MYOZ1: variants seen among roughly 807,000 people sequenced by gnomAD.
MYOZ1 encodes myozenin 1.
A neutral mutation model predicts 28.7 loss-of-function variants in MYOZ1; 20 were observed. The ratio of observed to expected loss-of-function variants is 0.70; its 90% confidence interval spans 0.49 to 1.01. The LOEUF (loss-of-function observed/expected upper bound fraction) is 1.01, where lower values mean the gene tolerates loss of function less well. MYOZ1 is among the 50% of genes least tolerant of loss of function. MYOZ1 has a pLI of 0.00. For synonymous variants in MYOZ1, 144 were observed against 145.8 expected, an observed-to-expected ratio of 0.99 and a Z score of 0.09; for missense variants, 371 against 372.4, an observed-to-expected ratio of 1.00 and a Z score of 0.03.
chr10:73,640,053 G>A lies in MYOZ1; in HGVS notation c.-18-18C>T, dbSNP rs1342844164. ...GATTCAGCCTGGACAGGGTGGGAAG[G>A]AGGAGTTGGTGGATGGACAGGGACT... On this transcript the variant is annotated intron_variant, in intron 1 of 5. Coordinates refer to ENST00000359322, the MANE Select transcript of MYOZ1 (RefSeq NM_021245.4). The A allele has an allele frequency of 6.2e-7, 1 of 1,601,286 alleles. No individual in the cohort carries two copies. The highest frequency in any genetic ancestry group is 8.6e-7 in the Non-Finnish European group (1 of 1,169,392).
chr10:73,632,623 C>A (rs553379398), intron 5 of MYOZ1, among the ~76,000 whole-genome samples: 6 of 150,574 alleles, frequency 4.0e-5, no homozygotes, highest in African/African-American at 9.8e-5. Context: ...ACACCCCCCC[C>A]CCAAAAAAAA....
chr10:73,640,066 A>G, intron 1 of MYOZ1, 31 bp from the exon 2 acceptor site: 3 of 1,561,538 alleles, frequency 1.9e-6, no homozygotes, highest in Non-Finnish European at 2.6e-6. Flanking sequence ...GAGTTGGTGG[A>G]TGGACAGGGA....
In MYOZ1 at chr10:73,631,630, C is replaced by G. The variant is rs2132403310; in HGVS notation, c.*300G>C. ...TTGTTAGCCTCGGCTTTCATCTGCT[C>G]TCAAATATCAAAGGAAGAATGAGTT... On this transcript the variant is annotated 3_prime_UTR_variant, in exon 6 of 6. Coordinates refer to ENST00000359322, the MANE Select transcript of MYOZ1 (RefSeq NM_021245.4). 2 of 364,814 alleles carry G rather than the reference C, an allele frequency of 5.5e-6. No individual in the cohort carries two copies. Among genetic ancestry groups the G allele is most frequent in the South Asian group, 6.1e-5 (2 of 32,858 alleles). The allele number at this position is 364,814 out of a possible 1,614,324, so 22.6% of individuals were successfully genotyped here.
chr10:73,636,684 G>A (rs2081669079), intron 3 of MYOZ1, among the ~76,000 whole-genome samples: 1 of 151,862 alleles, frequency 6.6e-6, no homozygotes, highest in Admixed American at 6.6e-5. Context: ...TCCAACTCCT[G>A]GACTCAAGCA....
chr10:73,632,400 G>A (rs2081640102), intron 5 of MYOZ1, among the ~76,000 whole-genome samples: 1 of 152,050 alleles, frequency 6.6e-6, no homozygotes, highest in South Asian at 2.1e-4. Flanking sequence ...CTGTGACCCA[G>A]ACCAGCATTT....
intron 3 of MYOZ1, among the ~76,000 whole-genome samples, chr10:73,637,008 T>TGC (rs2081670785): frequency 2.1e-5 from 3 of 140,120 alleles, no homozygotes; most frequent in African/African-American, 9.1e-5. Context: ...TTTTTCTTTT[T>TGC]TCTTTCTTTT....
In MYOZ1 at chr10:73,634,478, A is replaced by C; in HGVS notation, c.502+6T>G. The C allele has an allele frequency of 1.2e-6, 2 of 1,613,882 alleles. No homozygotes were observed. Among genetic ancestry groups the C allele is most frequent in the South Asian group, 2.2e-5 (2 of 91,044 alleles). ...AAACACATTACTCTTGGGTGAGTGT[A>C]CTTGCCTGATCCTGTCTCACCAACC... On this transcript the variant is annotated splice_donor_region_variant and intron_variant, in intron 4 of 5. Coordinates refer to ENST00000359322, the MANE Select transcript of MYOZ1 (RefSeq NM_021245.4).
chr10:73,640,529 G>A (rs933451141), intron 1 of MYOZ1, among the ~76,000 whole-genome samples: 4 of 152,186 alleles, frequency 2.6e-5, no homozygotes, highest in Admixed American at 1.3e-4. Context: ...AGGACAGGAA[G>A]TATAGATGCA....
chr10:73,632,582 T>C (rs1400037909), intron 5 of MYOZ1, among the ~76,000 whole-genome samples: 1 of 150,606 alleles, frequency 6.6e-6, no homozygotes, highest in Non-Finnish European at 1.5e-5. Flanking sequence ...CTGGTCAACG[T>C]GGTGAAACGC....
At chr10:73,633,233 G>T (rs2081646569) in intron 5 of MYOZ1, among the ~76,000 whole-genome samples, 1 of 152,122 alleles carries the variant, frequency 6.6e-6, no homozygotes, top group African/African-American at 2.4e-5. Context: ...GGAGGCGGAG[G>T]TTGCAGTGAG....
intron 3 of MYOZ1, among the ~76,000 whole-genome samples, chr10:73,637,010 CTTTCTT>C (rs983308476): frequency 4.4e-5 from 6 of 137,498 alleles, no homozygotes; most frequent in Middle Eastern, 3.7e-3. Context: ...TTTCTTTTTT[CTTTCTT>C]TTTTTTTTTT....
intron 3 of MYOZ1, 58 bp from the exon 4 acceptor site, chr10:73,634,791 A>G: frequency 6.3e-7 from 1 of 1,576,092 alleles, no homozygotes; most frequent in East Asian, 2.3e-5. Flanking sequence ...ATATACAAAA[A>G]CAGAGGTATG....
At chr10:73,636,014 G>T (rs142840838) in intron 3 of MYOZ1, among the ~76,000 whole-genome samples, 183 of 152,298 alleles carry the variant, frequency 1.2e-3, no homozygotes, top group African/African-American at 4.3e-3. Context: ...CCCAGGCAGA[G>T]AAGAGTGCTT....
In MYOZ1 at chr10:73,636,183, G is replaced by A. The variant is rs188657012; in HGVS notation, c.253-1450C>T. ...GTGGAGGAGGAAGAAAGGAAATGGA[G>A]AAGGCCCTTCTTCCTCAGCTATACC... On this transcript the variant is annotated intron_variant, in intron 3 of 5. Coordinates refer to ENST00000359322, the MANE Select transcript of MYOZ1 (RefSeq NM_021245.4). 2.5e-3 allele frequency among the ~76,000 whole-genome samples: 380 copies of A among 152,294 alleles called. 1 individual carries two copies. Among genetic ancestry groups the A allele is most frequent in the Non-Finnish European group, 4.5e-3 (304 of 68,016 alleles).
intron 5 of MYOZ1, among the ~76,000 whole-genome samples, chr10:73,633,220 C>T (rs375960866): frequency 4.0e-4 from 61 of 152,034 alleles, no homozygotes; most frequent in African/African-American, 1.4e-3. Flanking sequence ...TCACTTGAAC[C>T]CAGGAGGCGG....
rs370059455 is a variant in MYOZ1, at chr10:73,639,998, G to T, written c.20C>A (p.Pro7Gln). The T allele has an allele frequency of 1.7e-5, 27 of 1,613,828 alleles. No individual in the cohort carries two copies. The highest frequency in any genetic ancestry group is 2.3e-5 in the Non-Finnish European group (27 of 1,179,956). ...GGATTTCCTCTTCTTATTAGGGGCC[G>T]GGGTTCCTGAGAGCGGCATTGTGGA... MPLSGT[P>Q]APNKKRKSSK... The change falls in exon 2 of 6, where the codon CCG (proline) becomes CAG (glutamine). Residue 7 changes from proline (P) to glutamine (Q), a missense_variant. Physicochemically the swap from Pro to Gln is moderately conservative, Grantham distance 76 (BLOSUM62 -1). Coordinates refer to ENST00000359322, the MANE Select transcript of MYOZ1 (RefSeq NM_021245.4).
intron 3 of MYOZ1, 151 bp from the exon 4 acceptor site, chr10:73,634,884 G>T: frequency 1.1e-6 from 1 of 870,382 alleles, no homozygotes; most frequent in Non-Finnish European, 1.7e-6. Context: ...GTAGTACATG[G>T]GCTGACTAAG....
rs376526603 is a variant in MYOZ1 at position 73,636,390 on chromosome 10, G to A, written c.252+1354C>T. ...TAAAAACTCAATTAACTCTTTCTAG[G>A]GTTGCCAGATTTAGCAAATCAAATA... On this transcript the variant is annotated intron_variant, in intron 3 of 5. Transcript: ENST00000359322. Among the ~76,000 whole-genome samples the A allele has an allele frequency of 7.9e-5, 12 of 152,180 alleles. No homozygotes were observed. The South Asian group carries it at 1.5e-3, about 18-fold the overall frequency.
Position 73,637,833 on chromosome 10 carries a change from G to T in MYOZ1, c.163C>A (p.Arg55=). 4 of 1,614,068 alleles carry T rather than the reference G, an allele frequency of 2.5e-6. No homozygotes were observed. The highest frequency in any genetic ancestry group is 3.4e-6 in the Non-Finnish European group (4 of 1,180,022). ...MLEELSLLTN[R]GSKMFKLRQM... is the part of the protein sequence containing the mutation. ...CGCAGTTTGAACATCTTGGAGCCCC[G>T]GTTGGTAAGCAGCGACAGTTCCTCC... Residue 55 remains arginine (R), a synonymous_variant, in exon 3 of 6, where the codon CGG becomes AGG. Coordinates refer to ENST00000359322, the MANE Select transcript of MYOZ1 (RefSeq NM_021245.4).
Sources: gnomAD v4.1 joint callset for allele counts (sites outside exome capture counted in the v4.1 genomes callset) on GRCh38, gnomAD v4.1.1 for gene constraint, MANE v1.5 for transcripts, NCBI Gene and HGNC (gene_info 2026-07-23, HGNC 2026-07-21) for gene names.